TMEM132D: variants seen among roughly 807,000 people sequenced by gnomAD.
The protein encoded by TMEM132D is transmembrane protein 132D, also known as mature OL transmembrane protein.
In TMEM132D, 21 loss-of-function variants were observed where a neutral mutation model predicts 62.3. The observed-to-expected ratio is 0.34, with a 90% confidence interval of 0.24 to 0.49. TMEM132D has a LOEUF of 0.49. Ranked by LOEUF, TMEM132D falls within the 20% of genes least tolerant of loss-of-function variation. The pLI is 0.99. For missense variants in TMEM132D, 1,346 were observed against 1,402.8 expected, an observed-to-expected ratio of 0.96 and a Z score of 0.65; for synonymous variants, 621 against 575.6, an observed-to-expected ratio of 1.08 and a Z score of -1.13.
intron 3 of TMEM132D, among the ~76,000 whole-genome samples, chr12:129,387,663 CACTAACACCAACACCAAT>C (rs1308466905): frequency 4.6e-5 from 7 of 152,120 alleles, no homozygotes; most frequent in African/African-American, 1.4e-4. Context: ...CATGTGCCAA[CACTAACACCAACACCAAT>C]ACTAACACCA....
In TMEM132D at chr12:129,221,180, A is replaced by G. The variant is rs112886110; in HGVS notation, c.1300-11517T>C. 6.0e-3 allele frequency among the ~76,000 whole-genome samples: 918 copies of G among 152,302 alleles called. 14 individuals carry two copies. The highest frequency in any genetic ancestry group is 0.021 in the African/African-American group (855 of 41,564). On this transcript the variant is annotated intron_variant, in intron 4 of 8. Transcript: ENST00000422113. Reference sequence around the variant, plus strand: ...ATACAGCTTTCATGTTCAATTGCCTATTCTTTCTCCTCACCTGACACGGCC... The same window carrying G: ...ATACAGCTTTCATGTTCAATTGCCTGTTCTTTCTCCTCACCTGACACGGCC...
chr12:129,306,598 G>A (rs530493572), intron 4 of TMEM132D, among the ~76,000 whole-genome samples: 16 of 152,180 alleles, frequency 1.1e-4, no homozygotes, highest in Non-Finnish European at 1.6e-4. Context: ...AAAGAACCCT[G>A]TGCAACACAA....
At chr12:129,127,282 G>A (rs752577491) in intron 5 of TMEM132D, among the ~76,000 whole-genome samples, 6 of 152,140 alleles carry the variant, frequency 3.9e-5, no homozygotes, top group Non-Finnish European at 1.5e-5. Context: ...CGCACATTGT[G>A]GAACATTGCG....
chr12:129,148,607 C>T (rs1876979946), intron 5 of TMEM132D, among the ~76,000 whole-genome samples: 1 of 152,158 alleles, frequency 6.6e-6, no homozygotes, highest in African/African-American at 2.4e-5. Context: ...CCCCATAGGA[C>T]CCATGTTTGG....
At chr12:129,841,425 A>T (rs1873190231) in intron 1 of TMEM132D, among the ~76,000 whole-genome samples, 2 of 152,194 alleles carry the variant, frequency 1.3e-5, no homozygotes, top group Non-Finnish European at 2.9e-5. Context: ...GACATGATGA[A>T]ATCCCAGTTT....
At chr12:129,373,652 A>ACAAAT (rs1216672245) in intron 3 of TMEM132D, among the ~76,000 whole-genome samples, 1 of 151,168 alleles carries the variant, frequency 6.6e-6, no homozygotes, top group East Asian at 2.0e-4. Flanking sequence ...ACAAAACAAA[A>ACAAAT]CAAAATAAAA....
rs573877882 is a variant in TMEM132D at position 129,170,494 on chromosome 12, T to C, written c.1443+39026A>G. On this transcript the variant is annotated intron_variant, in intron 5 of 8. Coordinates refer to ENST00000422113, the MANE Select transcript of TMEM132D (RefSeq NM_133448.3). ...TAGTCTACTAAGCATGAAATTGCAT[T>C]ATGTCTAGAAAATAACACTCATGCC... Among the ~76,000 whole-genome samples the C allele has an allele frequency of 2.4e-4, 36 of 152,250 alleles. No homozygotes were observed. The South Asian group carries it at 6.0e-3, about 25-fold the overall frequency.
At chr12:129,774,939 C>A (rs117822827) in intron 1 of TMEM132D, among the ~76,000 whole-genome samples, 2,546 of 152,296 alleles carry the variant, frequency 0.017, 42 homozygotes, top group South Asian at 0.058. Context: ...ACCAACCTCA[C>A]AGAAGTGTGA....
At chr12:129,762,484 T>C (rs1870412863) in intron 1 of TMEM132D, among the ~76,000 whole-genome samples, 1 of 152,040 alleles carries the variant, frequency 6.6e-6, no homozygotes, top group Non-Finnish European at 1.5e-5. Context: ...CCCTGTTCTG[T>C]GTAGGTGTTT....
chr12:129,647,431 T>G lies in TMEM132D; in HGVS notation c.968+52379A>C, dbSNP rs117644302. Among the ~76,000 whole-genome samples the G allele has an allele frequency of 4.5e-4, 68 of 152,256 alleles. 2 individuals carry two copies. In the East Asian group the frequency reaches 0.012, roughly 26 times the overall value. ...TCAGTGAATGTTTTGTAGTTGCTTC[T>G]GACTTCAGATGTAGGAGAGCTTCTG... On this transcript the variant is annotated intron_variant, in intron 2 of 8. Coordinates refer to ENST00000422113, the MANE Select transcript of TMEM132D (RefSeq NM_133448.3).
At chr12:129,564,938 C>T (rs541866606) in intron 2 of TMEM132D, among the ~76,000 whole-genome samples, 16 of 152,166 alleles carry the variant, frequency 1.1e-4, no homozygotes, top group South Asian at 6.2e-4. Flanking sequence ...AGTGGGGAGC[C>T]CCTGAGAAAG....
At chr12:129,084,334 G>C (rs550676571) in intron 6 of TMEM132D, among the ~76,000 whole-genome samples, 163 bp downstream of exon 6, 1 of 152,140 alleles carries the variant, frequency 6.6e-6, no homozygotes, top group East Asian at 1.9e-4. Context: ...CCCGAAAAAC[G>C]CTGATAAAGA....
At chr12:129,495,735 G>C (rs1243166629) in intron 3 of TMEM132D, among the ~76,000 whole-genome samples, 1 of 152,152 alleles carries the variant, frequency 6.6e-6, no homozygotes, top group Non-Finnish European at 1.5e-5. Flanking sequence ...GGCTTTGACG[G>C]GGTGGGGACA....
intron 4 of TMEM132D, chr12:129,212,344 A>G (rs1409976835): frequency 6.6e-6 from 1 of 152,140 alleles, no homozygotes; most frequent in Admixed American, 6.5e-5. Context: ...CAGGCTTGGT[A>G]TTTCCCTGCC....
At chr12:129,424,805 A>G (rs1365888180) in intron 3 of TMEM132D, among the ~76,000 whole-genome samples, 1 of 151,948 alleles carries the variant, frequency 6.6e-6, no homozygotes. Context: ...GTATTGAGAC[A>G]TATTTAGAAC....
chr12:129,514,347 A>G (rs1456681652), intron 3 of TMEM132D, among the ~76,000 whole-genome samples: 2 of 152,246 alleles, frequency 1.3e-5, no homozygotes, highest in Non-Finnish European at 2.9e-5. Flanking sequence ...TGTCACTTTC[A>G]ATAGACAGAG....
chr12:129,086,338 C>A (rs779515704), intron 5 of TMEM132D, among the ~76,000 whole-genome samples: 1 of 152,088 alleles, frequency 6.6e-6, no homozygotes, highest in Admixed American at 6.6e-5. Context: ...TTAGTGTAAA[C>A]ATCACCCAAA....
intron 1 of TMEM132D, among the ~76,000 whole-genome samples, chr12:129,760,063 C>T (rs922382727): frequency 6.6e-6 from 1 of 152,038 alleles, no homozygotes; most frequent in Non-Finnish European, 1.5e-5. Context: ...TGCCATCACA[C>T]CTGGCTAATT....
At chr12:129,723,696 A>G (rs569323047) in intron 1 of TMEM132D, among the ~76,000 whole-genome samples, 21 of 152,288 alleles carry the variant, frequency 1.4e-4, no homozygotes, top group Admixed American at 1.3e-3. Context: ...TGGTCTCTGG[A>G]TACCTCACAG....
Sources: allele counts gnomAD v4.1 joint callset (sites outside exome capture counted in the v4.1 genomes callset), GRCh38; gene constraint gnomAD v4.1.1; transcripts MANE v1.5; gene names NCBI Gene and HGNC (gene_info 2026-07-23, HGNC 2026-07-21).